Variants in PITPNB observed in about 807,000 individuals in gnomAD.
The protein encoded by PITPNB is phosphatidylinositol transfer protein beta.
PITPNB carries 16 observed loss-of-function variants against 45.9 expected under a neutral mutation model. The observed-to-expected ratio is 0.35, with a 90% confidence interval of 0.24 to 0.53. The LOEUF (loss-of-function observed/expected upper bound fraction) is 0.53. Among genes scored for constraint, PITPNB ranks in the 20% least tolerant of loss-of-function variants. The pLI is 0.93. For missense variants in PITPNB, 188 were observed against 330.5 expected (o/e 0.57, Z 3.34); for synonymous variants, 112 against 108.9 (o/e 1.03, Z -0.18).
chr22:27,877,172 A>C (rs897085667), intron 7 of PITPNB, among the ~76,000 whole-genome samples: 9 of 152,226 alleles, frequency 5.9e-5, no homozygotes, highest in African/African-American at 2.2e-4. Flanking sequence ...ACTGTGTTTA[A>C]AATTTTTTAT....
intron 3 of PITPNB, among the ~76,000 whole-genome samples, chr22:27,909,562 C>T (rs1237333391): frequency 1.3e-5 from 2 of 151,952 alleles, no homozygotes; most frequent in Non-Finnish European, 2.9e-5. Flanking sequence ...TAAAGAAATA[C>T]AAATTTTAAC....
chr22:27,902,089 A>C (rs570345920), intron 3 of PITPNB, among the ~76,000 whole-genome samples: 1 of 152,222 alleles, frequency 6.6e-6, no homozygotes, highest in East Asian at 1.9e-4. Flanking sequence ...AAATACAAAG[A>C]GAATTACTTA....
intron 2 of PITPNB, among the ~76,000 whole-genome samples, chr22:27,912,085 TA>T (rs1052293902): frequency 4.1e-4 from 62 of 152,234 alleles, no homozygotes; most frequent in African/African-American, 1.5e-3. Context: ...ATTTCTTCTT[TA>T]TAAGCATATT....
chr22:27,891,098 C>T (rs1033918666), intron 7 of PITPNB, among the ~76,000 whole-genome samples: 1 of 152,182 alleles, frequency 6.6e-6, no homozygotes, highest in African/African-American at 2.4e-5. Flanking sequence ...AACGACTGTT[C>T]ATGAGTACAG....
chr22:27,862,154 AC>A (rs1934356833), intron 8 of PITPNB, among the ~76,000 whole-genome samples: 1 of 152,012 alleles, frequency 6.6e-6, no homozygotes, highest in Non-Finnish European at 1.5e-5. Context: ...ACCAGCTTCA[AC>A]TCATCCCACT....
At position 27,918,968 on chromosome 22, in the gene PITPNB, GGCGTGT is replaced by G. The variant is rs931518085; in HGVS notation, c.20+198_20+203del. The G allele has an allele frequency of 1.6e-4, 120 of 758,872 alleles. No homozygotes were observed. The Middle Eastern group carries it at 1.9e-3, about 12-fold the overall frequency. The allele number at this position is 758,872 out of a possible 1,614,324, so 47.0% of individuals were successfully genotyped here. A position where few individuals can be genotyped will look rare whatever the true frequency, so the allele number is the denominator to read the frequency against. On this transcript the variant is annotated intron_variant, in intron 1 of 11. Transcript: ENST00000335272. ...CGCCTTCGCCCCGGGGAAGGGAGAG[GGCGTGT>G]TACCACGGCAATGCCTGGAGGGCCG...
intron 7 of PITPNB, among the ~76,000 whole-genome samples, chr22:27,875,988 T>A (rs527726452): frequency 6.6e-6 from 1 of 152,276 alleles, no homozygotes; most frequent in East Asian, 1.9e-4. Flanking sequence ...AATTTTAAAA[T>A]CATGTTTAAC....
At chr22:27,877,045 C>T (rs1934840197) in intron 7 of PITPNB, among the ~76,000 whole-genome samples, 1 of 152,318 alleles carries the variant, frequency 6.6e-6, no homozygotes, top group Middle Eastern at 3.4e-3. Context: ...ATTTGCTATG[C>T]ACTTTCTGTA....
Position 27,908,983 on chromosome 22 carries a change from C to T in PITPNB, c.197+1981G>A, listed in dbSNP as rs1935840682. ...AACCAAGGATGAGTAGGTTATGGGTCACTGTAAATCAAGTAGCAGAGTTAA... is the reference window on the plus strand; with the variant it reads ...AACCAAGGATGAGTAGGTTATGGGTTACTGTAAATCAAGTAGCAGAGTTAA... On this transcript the variant is annotated intron_variant, in intron 3 of 11. Coordinates refer to ENST00000335272, the MANE Select transcript of PITPNB (RefSeq NM_012399.5). 2.0e-5 allele frequency among the ~76,000 whole-genome samples: 3 copies of T among 151,996 alleles called. No individual in the cohort carries two copies. In the South Asian group the frequency reaches 6.2e-4, roughly 32 times the overall value.
chr22:27,875,654 A>G (rs932754690), intron 7 of PITPNB, among the ~76,000 whole-genome samples: 6 of 152,232 alleles, frequency 3.9e-5, no homozygotes, highest in Non-Finnish European at 5.9e-5. Context: ...TCAAACATTG[A>G]AAGTATTTAA....
chr22:27,885,366 G>GT (rs1935094990), intron 7 of PITPNB, among the ~76,000 whole-genome samples: 1 of 151,650 alleles, frequency 6.6e-6, no homozygotes, highest in African/African-American at 2.4e-5. Flanking sequence ...CTGTGGTTGT[G>GT]TATCAGTGAC....
At chr22:27,856,206 G>C (rs993659716) in intron 10 of PITPNB, among the ~76,000 whole-genome samples, 32 of 152,236 alleles carry the variant, frequency 2.1e-4, no homozygotes, top group African/African-American at 7.7e-4. Context: ...ACCAATGATA[G>C]ATTTTCCACC....
Position 27,870,691 on chromosome 22 carries a change from C to CT in PITPNB, c.534+3046dup, listed in dbSNP as rs561889543. On this transcript the variant is annotated intron_variant, in intron 8 of 11. Coordinates refer to ENST00000335272, the MANE Select transcript of PITPNB (RefSeq NM_012399.5). ...ACTATTATCGTTCCCCAGTGCTACC[C>CT]TCAGTGCCTCCACCAGGACAGTAAT... Among the ~76,000 whole-genome samples, 110 of 152,318 alleles carry CT rather than the reference C, an allele frequency of 7.2e-4. 3 individuals carry two copies. The South Asian group carries it at 0.022, about 30-fold the overall frequency.
chr22:27,857,855 A>G (rs911654474), intron 10 of PITPNB, among the ~76,000 whole-genome samples: 14 of 152,196 alleles, frequency 9.2e-5, no homozygotes, highest in African/African-American at 2.9e-4. Flanking sequence ...CTCCTGCCCA[A>G]GGATCACCTG....
At chr22:27,905,155 C>T (rs1935719478) in intron 3 of PITPNB, among the ~76,000 whole-genome samples, 1 of 151,926 alleles carries the variant, frequency 6.6e-6, no homozygotes, top group Non-Finnish European at 1.5e-5. Context: ...TTTTCCTTTA[C>T]TTTTTTTGTT....
Position 27,880,992 on chromosome 22 carries a change from G to A in PITPNB, c.457-7177C>T, listed in dbSNP as rs567507917. On this transcript the variant is annotated intron_variant, in intron 7 of 11. Coordinates refer to ENST00000335272, the MANE Select transcript of PITPNB (RefSeq NM_012399.5). Reference sequence around the variant, plus strand: ...AGCAATATGTTGTTTTCCCACAAGAGGGCACTATCCAACCATGCCTTCGAA... The same window carrying A: ...AGCAATATGTTGTTTTCCCACAAGAAGGCACTATCCAACCATGCCTTCGAA... 4.9e-4 allele frequency among the ~76,000 whole-genome samples: 75 copies of A among 152,242 alleles called. No individual in the cohort carries two copies. The South Asian group carries it at 5.4e-3, about 11-fold the overall frequency.
At chr22:27,899,618 C>T (rs994025908) in intron 3 of PITPNB, among the ~76,000 whole-genome samples, 17 of 152,124 alleles carry the variant, frequency 1.1e-4, no homozygotes, top group South Asian at 2.1e-4. Context: ...CCACCGCGCC[C>T]GGCCTGATCA....
At chr22:27,857,872 C>T (rs1347465786) in intron 10 of PITPNB, among the ~76,000 whole-genome samples, 3 of 152,134 alleles carry the variant, frequency 2.0e-5, no homozygotes, top group Non-Finnish European at 4.4e-5. Flanking sequence ...CCTGAATCTG[C>T]CCAAAGCTTA....
At chr22:27,892,500 C>G (rs968278493) in intron 7 of PITPNB, among the ~76,000 whole-genome samples, 4 of 152,116 alleles carry the variant, frequency 2.6e-5, no homozygotes, top group Admixed American at 2.6e-4. Flanking sequence ...AATGGGAATG[C>G]CTTCCCCAGG....
Sources: allele counts gnomAD v4.1 joint callset (sites outside exome capture counted in the v4.1 genomes callset), GRCh38; gene constraint gnomAD v4.1.1; transcripts MANE v1.5; gene names NCBI Gene and HGNC (gene_info 2026-07-23, HGNC 2026-07-21).